ATF7: variants seen among roughly 807,000 people sequenced by gnomAD.
The protein encoded by ATF7 is cyclic AMP-dependent transcription factor ATF-7.
A neutral mutation model predicts 50.4 loss-of-function variants in ATF7; 10 were observed. The observed-to-expected ratio is 0.20, with a 90% CI of 0.12 to 0.34. The LOEUF (loss-of-function observed/expected upper bound fraction) is 0.34, where lower values mean the gene tolerates loss of function less well. ATF7 is among the 10% of genes least tolerant of loss of function. ATF7 has a pLI of 1.00. For synonymous variants in ATF7, 201 were observed against 226.4 expected (o/e 0.89, Z 1.01); for missense variants, 465 against 613.9 (o/e 0.76, Z 2.56).
intron 2 of ATF7, among the ~76,000 whole-genome samples, chr12:53,591,787 G>A (rs540039138): frequency 6.6e-6 from 1 of 152,184 alleles, no homozygotes; most frequent in Non-Finnish European, 1.5e-5. Context: ...CCATGTCTTT[G>A]ATAAGCAGCG....
chr12:53,559,100 C>T (rs1351399420), intron 2 of ATF7, among the ~76,000 whole-genome samples: 3 of 144,734 alleles, frequency 2.1e-5, no homozygotes, highest in African/African-American at 7.7e-5. Flanking sequence ...TGGGCAACAT[C>T]GTTAAGACCT....
intron 2 of ATF7, among the ~76,000 whole-genome samples, chr12:53,596,989 T>C (rs1943184184): frequency 2.0e-5 from 3 of 152,196 alleles, no homozygotes; most frequent in African/African-American, 7.2e-5. Context: ...GAGGCAGCTC[T>C]ATTAACTGCT....
intron 2 of ATF7, chr12:53,574,857 T>C (rs1592907016): frequency 8.8e-6 from 3 of 342,598 alleles, no homozygotes; most frequent in Admixed American, 3.4e-5. Flanking sequence ...TTAAAAGAAA[T>C]AGTAAATTCA....
At chr12:53,546,977 CTTTTTTTTT>C (rs565759569) in intron 3 of ATF7, among the ~76,000 whole-genome samples, 3 of 116,432 alleles carry the variant, frequency 2.6e-5, no homozygotes, top group African/African-American at 6.1e-5. Context: ...CAGGCTGGCT[CTTTTTTTTT>C]TTTTTTTTTT....
At chr12:53,512,030 G>T (rs908817270), downstream of ATF7, 19 of 152,270 alleles carry the variant, frequency 1.2e-4, no homozygotes, top group African/African-American at 4.6e-4. Context: ...GCTGTGGATA[G>T]AGGAGTGAAG....
intron 2 of ATF7, among the ~76,000 whole-genome samples, chr12:53,591,285 G>A (rs1010947438): frequency 6.6e-5 from 10 of 151,958 alleles, no homozygotes; most frequent in African/African-American, 2.4e-4. Context: ...TGTATAAAAA[G>A]GACATAAAAA....
rs1282012986 is a variant in ATF7, at chr12:53,516,822, A to G, written c.*315T>C. The G allele has an allele frequency of 2.9e-6, 1 of 342,486 alleles. No homozygotes were observed. The highest frequency in any genetic ancestry group is 2.1e-5 in the African/African-American group (1 of 48,604). The allele number at this position is 342,486 out of a possible 1,614,324, so 21.2% of individuals were successfully genotyped here. A position where few individuals can be genotyped will look rare whatever the true frequency, so the allele number is the denominator to read the frequency against. On this transcript the variant is annotated 3_prime_UTR_variant, in exon 12 of 12. Coordinates refer to ENST00000420353, the MANE Select transcript of ATF7 (RefSeq NM_006856.3). ...CTAGAAGTGCCAAGGGTTAGTGTTA[A>G]AAGAGACAGATACACGTGCATGGGG... is the stretch of plus-strand genomic sequence containing the variant.
intron 9 of ATF7, among the ~76,000 whole-genome samples, chr12:53,526,961 C>T (rs189015721): frequency 6.7e-6 from 1 of 150,166 alleles, no homozygotes; most frequent in Non-Finnish European, 1.5e-5. Flanking sequence ...AAGTTCAAGA[C>T]CAGCCTGGCC....
chr12:53,549,920 G>GT (rs1310268844), intron 3 of ATF7, among the ~76,000 whole-genome samples: 1 of 152,084 alleles, frequency 6.6e-6, no homozygotes, highest in Admixed American at 6.6e-5. Flanking sequence ...GTTTCACCTC[G>GT]TTAGTGAGAC....
At chr12:53,534,169 C>CGGGAACTT (rs1939080937) in intron 6 of ATF7, among the ~76,000 whole-genome samples, 1 of 151,926 alleles carries the variant, frequency 6.6e-6, no homozygotes, top group South Asian at 2.1e-4. Flanking sequence ...CCCAGCTACT[C>CGGGAACTT]GGGAGGCTGA....
At chr12:53,561,559 A>G (rs1263952701) in intron 2 of ATF7, among the ~76,000 whole-genome samples, 2 of 152,154 alleles carry the variant, frequency 1.3e-5, no homozygotes, top group Admixed American at 6.5e-5. Flanking sequence ...TCTGTTCCCA[A>G]TGTCAGACAT....
At chr12:53,534,026 C>T (rs965553717) in intron 6 of ATF7, among the ~76,000 whole-genome samples, 1 of 152,178 alleles carries the variant, frequency 6.6e-6, no homozygotes, top group East Asian at 1.9e-4. Flanking sequence ...GCCTGTAATC[C>T]CGGCACTTTG....
intron 2 of ATF7, among the ~76,000 whole-genome samples, chr12:53,569,922 C>CT (rs1941657246): frequency 6.6e-6 from 1 of 152,140 alleles, no homozygotes; most frequent in Non-Finnish European, 1.5e-5. Context: ...TGTGATCTGC[C>CT]TGCCTTGGCC....
chr12:53,542,880 CAAA>C (rs373413199), intron 4 of ATF7: 4 of 999,060 alleles, frequency 4.0e-6, no homozygotes, highest in Non-Finnish European at 4.8e-6. Flanking sequence ...TATATTGAAA[CAAA>C]GAAGAGTGGA....
At chr12:53,536,279 CTT>C (rs879890925) in intron 5 of ATF7, among the ~76,000 whole-genome samples, 14 of 139,844 alleles carry the variant, frequency 1.0e-4, no homozygotes, top group Middle Eastern at 3.4e-3. Context: ...TATTAGTTCA[CTT>C]TTTTTTTTTT....
In ATF7 at chr12:53,524,588, G is replaced by C; in HGVS notation, c.1101C>G (p.Leu367=). 6.2e-7 allele frequency: 1 copy of C among 1,613,914 alleles called. No homozygotes were observed. The highest frequency in any genetic ancestry group is 8.5e-7 in the Non-Finnish European group (1 of 1,179,900). Residue 367 remains leucine, a synonymous_variant, in exon 10 of 12, where the codon CTC becomes CTG. Transcript: ENST00000420353. This position sits in a 1 kb window ranked among gnomAD's most constrained non-coding sequence, Gnocchi z 4.6. ...VSSLEKKAEE[L]TSQNIQLSNE... is the part of the protein sequence containing the mutation. ...CACTCAGCTGAATGTTCTGAGAAGT[G>C]AGTTCTTCGGCCTTCTTCTCTAGGG...
In ATF7 at chr12:53,532,418, G is replaced by T. The variant is rs572742122; in HGVS notation, c.774+92C>A. ...TCCTTAGCTTTGCAAGCCCCAGAAG[G>T]TTCCTTTGCTTGGCTCACTTGAAAG... On this transcript the variant is annotated intron_variant, in intron 8 of 11. Coordinates refer to ENST00000420353, the MANE Select transcript of ATF7 (RefSeq NM_006856.3). 2.4e-5 allele frequency: 25 copies of T among 1,044,442 alleles called. No homozygotes were observed. In the Admixed American group the frequency reaches 5.7e-4, roughly 24 times the overall value. 64.7% of individuals were successfully genotyped at this position (1,044,442 alleles called of 1,614,324 possible). A position where few individuals can be genotyped will look rare whatever the true frequency, so the allele number is the denominator to read the frequency against.
chr12:53,559,986 G>A (rs1256309106), intron 2 of ATF7, among the ~76,000 whole-genome samples: 6 of 150,742 alleles, frequency 4.0e-5, no homozygotes, highest in African/African-American at 1.5e-4. Flanking sequence ...GCAATGGTGT[G>A]ATCTCGGCTC....
intron 1 of ATF7, among the ~76,000 whole-genome samples, chr12:53,621,788 CAAAAAA>C (rs559780353): frequency 7.4e-5 from 6 of 81,558 alleles, no homozygotes; most frequent in Non-Finnish European, 1.5e-4. Flanking sequence ...GACTCTGTCT[CAAAAAA>C]AAAAAAAAAA....
Sources: gnomAD v4.1 joint callset for allele counts (sites outside exome capture counted in the v4.1 genomes callset) on GRCh38, gnomAD v4.1.1 for gene constraint, Gnocchi (gnomAD v3.1) non-coding constraint, MANE v1.5 for transcripts, NCBI Gene and HGNC (gene_info 2026-07-23, HGNC 2026-07-21) for gene names.